ERBB3: variants seen among roughly 807,000 people sequenced by gnomAD.
The protein encoded by ERBB3 is erb-b2 receptor tyrosine kinase 3.
ERBB3 carries 96 observed loss-of-function variants against 156.7 expected under a neutral mutation model. The ratio of observed to expected loss-of-function variants is 0.61; its 90% confidence interval spans 0.52 to 0.73. The LOEUF is 0.73. ERBB3 is among the 30% of genes least tolerant of loss of function. The probability of loss-of-function intolerance (pLI) is 0.00; values close to 1 mark genes in which losing one functional copy is unlikely to be tolerated. For synonymous variants in ERBB3, 567 were observed against 632.0 expected, an observed-to-expected ratio of 0.90 and a Z score of 1.54; for missense variants, 1,406 against 1,709.4, an observed-to-expected ratio of 0.82 and a Z score of 3.13.
intron 3 of ERBB3, 108 bp downstream of exon 3, chr12:56,085,289 C>T (rs1265989747): frequency 1.3e-6 from 2 of 1,595,620 alleles, no homozygotes; most frequent in Non-Finnish European, 1.7e-6. Flanking sequence ...TTCCAAGGTG[C>T]CTGTCACCTT....
intron 5 of ERBB3, 68 bp from the exon 6 acceptor site, chr12:56,087,727 G>A: frequency 6.3e-7 from 1 of 1,583,998 alleles, no homozygotes; most frequent in Non-Finnish European, 8.7e-7. Context: ...CTGTGGGGGA[G>A]GCATGAGCAG....
chr12:56,091,755 T>C (rs570697638), intron 9 of ERBB3, among the ~76,000 whole-genome samples: 1 of 152,152 alleles, frequency 6.6e-6, no homozygotes. Context: ...TAAGGTGATA[T>C]CTGTCAGGTT....
In ERBB3 at chr12:56,101,157, C is replaced by T. The variant is rs1166339553; in HGVS notation, c.3298C>T (p.His1100Tyr). ...GCLASESSEG[H>Y]VTGSEAELQE... The stretch of plus-strand genomic sequence containing the variant: ...CCTGGCATCAGAGTCATCAGAGGGG[C>T]ATGTAACAGGCTCTGAGGCTGAGCT... Residue 1100 changes from histidine (H) to tyrosine (Y), a missense_variant, in exon 27 of 28, where the codon CAT becomes TAT. Physicochemically the swap from His to Tyr is moderately conservative, Grantham distance 83. Around this residue, in one of 3 missense-constraint regions of ERBB3, gnomAD observed 415 missense variants for 454.1 expected, o/e 0.91. Coordinates refer to ENST00000267101, the MANE Select transcript of ERBB3 (RefSeq NM_001982.4). 1.9e-6 allele frequency: 3 copies of T among 1,613,932 alleles called. No homozygotes were observed. In the East Asian group the frequency reaches 6.7e-5, roughly 36 times the overall value.
chr12:56,083,600 C>T (rs1868384643), intron 1 of ERBB3, 151 bp from the exon 2 acceptor site: 7 of 798,634 alleles, frequency 8.8e-6, no homozygotes, highest in Non-Finnish European at 1.5e-5. Context: ...CAGCTTCTGC[C>T]TATCGCTTGT....
chr12:56,096,791 GCATTAAAGT>G lies in ERBB3; in HGVS notation c.2224_2232del (p.Lys742_Ile744del). 6.2e-7 allele frequency: 1 copy of G among 1,614,146 alleles called. No homozygotes were observed. The highest frequency in any genetic ancestry group is 8.5e-7 in the Non-Finnish European group (1 of 1,179,996). On this transcript the variant is annotated inframe_deletion, in exon 19 of 28. Coordinates refer to ENST00000267101, the MANE Select transcript of ERBB3 (RefSeq NM_001982.4). Reference sequence around the variant, plus strand: ...GGTGAATCAATCAAGATTCCAGTCTGCATTAAAGTCATTGAGGACAAGAGTGGACGGCAG... The same window carrying G: ...GGTGAATCAATCAAGATTCCAGTCTGCATTGAGGACAAGAGTGGACGGCAG...
rs749784326 is a variant in ERBB3 at position 56,098,532 on chromosome 12, C to T, written c.2649C>T (p.Ile883=). The change falls in exon 22 of 28, where the codon ATC becomes ATT. Residue 883 remains isoleucine, a synonymous_variant. Coordinates refer to ENST00000267101, the MANE Select transcript of ERBB3 (RefSeq NM_001982.4). The stretch of plus-strand genomic sequence containing the variant: ...TTAAGTGGATGGCCCTTGAGAGTAT[C>T]CACTTTGGGAAATACACACACCAGA... The part of the protein sequence containing the change: ...TPIKWMALES[I]HFGKYTHQSD... 11 of 1,613,644 alleles carry T rather than the reference C, an allele frequency of 6.8e-6. No homozygotes were observed. The South Asian group carries it at 1.1e-4, about 16-fold the overall frequency.
Position 56,093,570 on chromosome 12 carries a change from A to G in ERBB3, c.1480+20A>G, listed in dbSNP as rs2136810355. On this transcript the variant is annotated intron_variant, in intron 12 of 27. Coordinates refer to ENST00000267101, the MANE Select transcript of ERBB3 (RefSeq NM_001982.4). ...ACTGCGGTGAGGGAAAGGGTCTGCT[A>G]GGTGGTGAGAATAGGGAGTCAGGGA... 1 of 1,604,614 alleles carries G rather than the reference A, an allele frequency of 6.2e-7. No individual in the cohort carries two copies. Among genetic ancestry groups the G allele is most frequent in the Non-Finnish European group, 8.5e-7 (1 of 1,177,004 alleles).
At chr12:56,098,602 C>T (rs924694858) in intron 22 of ERBB3, 27 bp downstream of exon 22, 2 of 1,596,888 alleles carry the variant, frequency 1.3e-6, no homozygotes, top group Middle Eastern at 1.7e-4. Flanking sequence ...GCCCTCTCTA[C>T]CATCACTGGC....
intron 1 of ERBB3, among the ~76,000 whole-genome samples, chr12:56,081,314 A>G (rs143417561): frequency 2.7e-4 from 41 of 152,134 alleles, no homozygotes; most frequent in Non-Finnish European, 3.1e-4. Context: ...CCCGACTCCC[A>G]TGCTATCTGA....
intron 9 of ERBB3, among the ~76,000 whole-genome samples, chr12:56,091,822 T>C (rs781142548): frequency 5.3e-5 from 8 of 152,218 alleles, no homozygotes; most frequent in Non-Finnish European, 8.8e-5. Flanking sequence ...CTTGGGATAA[T>C]TGCCTGAATC....
Position 56,080,285 on chromosome 12 carries a change from C to T in ERBB3, c.-16C>T. 6.4e-7 allele frequency: 1 copy of T among 1,555,184 alleles called. No individual in the cohort carries two copies. ...GGGCCGGACTTGGCTGGGCTCCCTTCACCCTCTGCGGAGTCATGAGGGCGA... is the reference window on the plus strand; with the variant it reads ...GGGCCGGACTTGGCTGGGCTCCCTTTACCCTCTGCGGAGTCATGAGGGCGA... On this transcript the variant is annotated 5_prime_UTR_variant, in exon 1 of 28. Transcript: ENST00000267101.
intron 9 of ERBB3, 67 bp downstream of exon 9, chr12:56,088,935 CA>C (rs762674444): frequency 2.0e-5 from 32 of 1,598,832 alleles, no homozygotes; most frequent in Non-Finnish European, 1.9e-5. Context: ...TTTCATTGGC[CA>C]AAACTTTCCT....
rs374610753 is a variant in ERBB3 at position 56,099,826 on chromosome 12, C to T, written c.2938-12C>T. ...AACCAGGATTCCCCCTAACAATCACCTATCGATATAGAGAGAGAGTGGGCC... is the reference window on the plus strand; with the variant it reads ...AACCAGGATTCCCCCTAACAATCACTTATCGATATAGAGAGAGAGTGGGCC... On this transcript the variant is annotated splice_polypyrimidine_tract_variant and intron_variant, in intron 24 of 27. Coordinates refer to ENST00000267101, the MANE Select transcript of ERBB3 (RefSeq NM_001982.4). 6.2e-7 allele frequency: 1 copy of T among 1,613,800 alleles called. No individual in the cohort carries two copies. Among genetic ancestry groups the T allele is most frequent in the East Asian group, 2.2e-5 (1 of 44,868 alleles).
intron 23 of ERBB3, chr12:56,099,119 A>C (rs373278933): frequency 3.4e-6 from 2 of 584,790 alleles, no homozygotes; most frequent in South Asian, 4.1e-5. Context: ...CCACACCTGG[A>C]TAACTGTTAC....
chr12:56,095,693 G>A lies in ERBB3; in HGVS notation c.1942G>A (p.Val648Met), dbSNP rs1565859968. The A allele has an allele frequency of 6.2e-7, 1 of 1,614,236 alleles. No homozygotes were observed. Among genetic ancestry groups the A allele is most frequent in the South Asian group, 1.1e-5 (1 of 91,086 alleles). The change falls in exon 17 of 28, where the codon GTG (valine) becomes ATG (methionine). Residue 648 changes from valine to methionine, a missense_variant. Transcript: ENST00000267101. The stretch of plus-strand genomic sequence containing the variant: ...AACCCATCTGACAATGGCTTTGACA[G>A]TGATAGCAGGATTGGTAGTGATTTT... ...GKTHLTMALT[V>M]IAGLVVIFMM...
At chr12:56,083,588 TA>T (rs1286692565) in intron 1 of ERBB3, 162 bp from the exon 2 acceptor site, 1 of 749,856 alleles carries the variant, frequency 1.3e-6, no homozygotes, top group Non-Finnish European at 2.4e-6. Flanking sequence ...CTCAGGCCAC[TA>T]CAGCTTCTGC....
At chr12:56,091,302 T>TATATATATATATATATA (rs1565858549) in intron 9 of ERBB3, among the ~76,000 whole-genome samples, 2 of 85,814 alleles carry the variant, frequency 2.3e-5, no homozygotes, top group Non-Finnish European at 4.7e-5. Context: ...ATATAAATAA[T>TATATATATATATATATA]ATATATAAAT....
Position 56,093,789 on chromosome 12 carries a change from A to G in ERBB3, c.1506A>G (p.Pro502=), listed in dbSNP as rs1169761465. The stretch of plus-strand genomic sequence containing the variant: ...TGGCAGAGGGCAAAGTGTGTGACCC[A>G]CTGTGCTCCTCTGGGGGATGCTGGG... ...DCVAEGKVCD[P]LCSSGGCWGP... Residue 502 remains proline, a synonymous_variant, in exon 13 of 28, where the codon CCA becomes CCG. Transcript: ENST00000267101. The G allele has an allele frequency of 3.1e-6, 5 of 1,613,872 alleles. No individual in the cohort carries two copies. Among genetic ancestry groups the G allele is most frequent in the Non-Finnish European group, 8.5e-7 (1 of 1,179,990 alleles).
In ERBB3 at chr12:56,101,091, T is replaced by C. The variant is rs1327022429; in HGVS notation, c.3232T>C (p.Cys1078Arg). Reference protein sequence around the residue: ...ESAVSGSSERCPRPVSLHPMP... With the variant: ...ESAVSGSSERRPRPVSLHPMP... ...TGCAGTTTCTGGGAGCAGTGAACGG[T>C]GCCCCCGTCCAGTCTCTCTACACCC... The change falls in exon 27 of 28, where the codon TGC becomes CGC. Residue 1078 changes from cysteine (C) to arginine (R), a missense_variant. This residue lies in a region of ERBB3 where 415 missense variants were observed against 454.1 expected (regional missense o/e 0.91). Coordinates refer to ENST00000267101, the MANE Select transcript of ERBB3 (RefSeq NM_001982.4). 1 of 1,613,956 alleles carries C rather than the reference T, an allele frequency of 6.2e-7. No homozygotes were observed. Among genetic ancestry groups the C allele is most frequent in the East Asian group, 2.2e-5 (1 of 44,894 alleles).
Sources: gnomAD v4.1 joint callset for allele counts (sites outside exome capture counted in the v4.1 genomes callset) on GRCh38, gnomAD v4.1.1 for gene constraint, gnomAD v4.1.1 regional missense constraint, MANE v1.5 for transcripts, NCBI Gene and HGNC (gene_info 2026-07-23, HGNC 2026-07-21) for gene names.